Variants in STK32B observed in about 807,000 individuals in gnomAD.
The protein encoded by STK32B is serine/threonine kinase 32B.
Under a neutral mutation model 52.6 loss-of-function variants are expected in STK32B, and 43 were observed. That is an observed-to-expected ratio of 0.82 (90% CI 0.64 to 1.05). The LOEUF is 1.05. STK32B is among the 50% of genes least tolerant of loss of function. The pLI, the probability that STK32B is intolerant of heterozygous loss-of-function variation, is 0.00. For missense variants in STK32B, 621 were observed against 534.6 expected (o/e 1.16, Z -1.59); for synonymous variants, 238 against 204.3 (o/e 1.17, Z -1.41).
intron 3 of STK32B, among the ~76,000 whole-genome samples, chr4:5,201,060 C>A (rs1049218590): frequency 6.6e-6 from 1 of 152,168 alleles, no homozygotes; most frequent in Non-Finnish European, 1.5e-5. Flanking sequence ...ATTTTTAAAG[C>A]AGTTGCCCCA....
chr4:5,439,047 A>G (rs895843864), intron 6 of STK32B, among the ~76,000 whole-genome samples: 1 of 150,660 alleles, frequency 6.6e-6, no homozygotes, highest in African/African-American at 2.4e-5. Flanking sequence ...ATTGTGAATA[A>G]TGCCGCAATA....
chr4:5,456,771 C>T (rs765842329), intron 7 of STK32B, 36 bp from the exon 8 acceptor site: 1 of 1,516,518 alleles, frequency 6.6e-7, no homozygotes, highest in Non-Finnish European at 8.9e-7. Flanking sequence ...TCCAATGGCT[C>T]TCTCTCTGAT....
intron 5 of STK32B, among the ~76,000 whole-genome samples, chr4:5,403,457 T>C (rs949656993): frequency 7.2e-5 from 11 of 152,194 alleles, no homozygotes; most frequent in African/African-American, 2.7e-4. Flanking sequence ...GCGGCCCTGA[T>C]GCTTCCCTGT....
intron 11 of STK32B, among the ~76,000 whole-genome samples, chr4:5,488,750 A>C (rs1446708670): frequency 6.6e-6 from 1 of 152,086 alleles, no homozygotes; most frequent in Non-Finnish European, 1.5e-5. Flanking sequence ...CTTAGCAAAA[A>C]TTTATCTTCA....
intron 3 of STK32B, among the ~76,000 whole-genome samples, chr4:5,208,978 C>G (rs1722743816): frequency 6.6e-6 from 1 of 152,206 alleles, no homozygotes; most frequent in Admixed American, 6.5e-5. Context: ...AGGAAGAAGT[C>G]TAGTTTTCTT....
intron 3 of STK32B, among the ~76,000 whole-genome samples, chr4:5,232,454 G>A (rs976453230): frequency 6.6e-6 from 1 of 152,174 alleles, no homozygotes; most frequent in African/African-American, 2.4e-5. Context: ...ACAATTGAGG[G>A]ACACGATAAT....
At chr4:5,484,256 A>G (rs1026259190) in intron 11 of STK32B, among the ~76,000 whole-genome samples, 2 of 152,194 alleles carry the variant, frequency 1.3e-5, no homozygotes, top group Admixed American at 1.3e-4. Flanking sequence ...GACTTGCTCT[A>G]TGAATCTGGG....
At chr4:5,121,507 A>T (rs1715023422) in intron 1 of STK32B, among the ~76,000 whole-genome samples, 1 of 152,212 alleles carries the variant, frequency 6.6e-6, no homozygotes, top group Admixed American at 6.5e-5. Context: ...CTGTCTGTGC[A>T]ATCAGGTCAT....
chr4:5,113,096 C>T (rs753507565), intron 1 of STK32B, among the ~76,000 whole-genome samples: 6 of 152,060 alleles, frequency 3.9e-5, no homozygotes, highest in Non-Finnish European at 8.8e-5. Flanking sequence ...AAAATTCTTA[C>T]ATTGAAACCT....
chr4:5,268,581 GTGTA>G (rs1464845131), intron 3 of STK32B, among the ~76,000 whole-genome samples: 11 of 133,788 alleles, frequency 8.2e-5, no homozygotes, highest in Admixed American at 6.5e-4. Flanking sequence ...GTGTGTGTGT[GTGTA>G]TAGCAAATAT....
chr4:5,477,924 C>G (rs928490957), intron 11 of STK32B, among the ~76,000 whole-genome samples: 22 of 152,260 alleles, frequency 1.4e-4, no homozygotes, highest in African/African-American at 4.6e-4. Flanking sequence ...GTGCCCCCAC[C>G]CACACCAAGA....
upstream of STK32B, among the ~76,000 whole-genome samples, chr4:5,050,737 C>A (rs1243398563): frequency 3.3e-5 from 5 of 152,170 alleles, no homozygotes; most frequent in Admixed American, 6.5e-5. Flanking sequence ...TCGCCCCACA[C>A]GTCTTGGGGC....
Position 5,289,229 on chromosome 4 carries a change from C to A in STK32B, c.261-41991C>A, listed in dbSNP as rs115331536. ...AACACAATGGTAAGTATTTATGTAT[C>A]TAAACATAGAAAAAGCATAAGTGTG... On this transcript the variant is annotated intron_variant, in intron 3 of 11. Coordinates refer to ENST00000282908, the MANE Select transcript of STK32B (RefSeq NM_018401.3). Among the ~76,000 whole-genome samples, 475 of 152,166 alleles carry A rather than the reference C, an allele frequency of 3.1e-3. 3 individuals carry two copies. The highest frequency in any genetic ancestry group is 0.011 in the African/African-American group (446 of 41,502).
intron 3 of STK32B, among the ~76,000 whole-genome samples, chr4:5,186,006 C>A (rs1313682186): frequency 6.6e-6 from 1 of 152,222 alleles, no homozygotes; most frequent in African/African-American, 2.4e-5. Flanking sequence ...GCCTGGAACA[C>A]CGTCTGTTCT....
chr4:5,262,624 C>CA (rs746798812), intron 3 of STK32B, among the ~76,000 whole-genome samples: 1,360 of 79,204 alleles, frequency 0.017, 15 homozygotes, highest in East Asian at 0.12. Flanking sequence ...GACTCCATCT[C>CA]AAAAAAAAAA....
chr4:5,346,934 G>A (rs1372783281), intron 4 of STK32B, among the ~76,000 whole-genome samples: 2 of 152,198 alleles, frequency 1.3e-5, no homozygotes, highest in Admixed American at 6.5e-5. Flanking sequence ...AAGTAAGAGA[G>A]AGCACATGTG....
intron 3 of STK32B, among the ~76,000 whole-genome samples, chr4:5,245,262 C>G (rs1577237963): frequency 6.6e-6 from 1 of 152,126 alleles, no homozygotes; most frequent in African/African-American, 2.4e-5. Flanking sequence ...CTGGGTGCTC[C>G]TGTATTGGGT....
intron 1 of STK32B, among the ~76,000 whole-genome samples, chr4:5,081,976 C>T (rs943589305): frequency 6.6e-6 from 1 of 152,138 alleles, no homozygotes; most frequent in East Asian, 1.9e-4. Flanking sequence ...GGCACCCTTG[C>T]CTTTCTGTCT....
At chr4:5,114,738 A>C (rs1714620638) in intron 1 of STK32B, among the ~76,000 whole-genome samples, 1 of 152,204 alleles carries the variant, frequency 6.6e-6, no homozygotes, top group African/African-American at 2.4e-5. Flanking sequence ...ATATCCAAGC[A>C]GTACATCTTC....
Sources: gnomAD v4.1 joint callset for allele counts (sites outside exome capture counted in the v4.1 genomes callset) on GRCh38, gnomAD v4.1.1 for gene constraint, MANE v1.5 for transcripts, NCBI Gene and HGNC (gene_info 2026-07-23, HGNC 2026-07-21) for gene names.